SLC27A1: variants seen among roughly 807,000 people sequenced by gnomAD.
The protein encoded by SLC27A1 is solute carrier family 27 member 1, also known as long-chain fatty acid transport protein 1.
SLC27A1 carries 61 observed loss-of-function variants against 62.2 expected under a neutral mutation model. The ratio of observed to expected loss-of-function variants is 0.98; its 90% confidence interval spans 0.80 to 1.21. SLC27A1 has a LOEUF of 1.21. SLC27A1 is among the 50% of genes most tolerant of loss of function. SLC27A1 has a pLI of 0.00. For synonymous variants in SLC27A1, 435 were observed against 408.6 expected, an observed-to-expected ratio of 1.06 and a Z score of -0.78; for missense variants, 903 against 932.1, an observed-to-expected ratio of 0.97 and a Z score of 0.41.
intron 1 of SLC27A1, among the ~76,000 whole-genome samples, chr19:17,478,342 C>A (rs2075144084): frequency 6.6e-6 from 1 of 151,152 alleles, no homozygotes; most frequent in African/African-American, 2.4e-5. Flanking sequence ...TGGCAGGCAC[C>A]TGTGGTCCCA....
Position 17,486,580 on chromosome 19 carries a change from TC to T in SLC27A1, c.187del (p.Arg63AlafsTer23). The T allele has an allele frequency of 1.3e-6, 2 of 1,589,566 alleles. No homozygotes were observed. The highest frequency in any genetic ancestry group is 1.7e-5 in the Admixed American group (1 of 58,846). ...CCTCCCAGCGGTCTCTCTGTGCTGA[TC>T]CGCGTGCGCCTGGAGCTGCGGCGGC... The part of the protein sequence containing the change: ...RRDLFGLSVL[I>X]RVRLELRRHQ... On this transcript the variant is annotated frameshift_variant, in exon 2 of 12. Transcript: ENST00000252595. LOFTEE classifies it high-confidence loss of function. This position sits in a 1 kb window ranked among gnomAD's most constrained non-coding sequence, Gnocchi z 6.6.
chr19:17,487,838 C>G (rs533467848), intron 4 of SLC27A1, among the ~76,000 whole-genome samples: 2 of 152,036 alleles, frequency 1.3e-5, no homozygotes, highest in South Asian at 4.2e-4. Flanking sequence ...CACCTGTTCA[C>G]CACATCCATC....
chr19:17,470,752 G>A, intron 1 of SLC27A1, 45 bp downstream of exon 1: 1 of 1,513,890 alleles, frequency 6.6e-7, no homozygotes. Context: ...CGGGGCTGAG[G>A]GCTCTGGGGG....
chr19:17,500,023 A>G, intron 7 of SLC27A1: 1 of 535,692 alleles, frequency 1.9e-6, no homozygotes, highest in Non-Finnish European at 3.3e-6. Flanking sequence ...GCCAGCATGG[A>G]GGGTTTTGTG....
At chr19:17,500,048 T>C (rs3827011) in intron 7 of SLC27A1, 496,027 of 599,118 alleles carry the variant, frequency 0.83, 210,624 homozygotes, top group Non-Finnish European at 0.89. Flanking sequence ...AGGAAGTGGG[T>C]GCCAGCCAGA....
chr19:17,481,811 G>C (rs1253017708), intron 1 of SLC27A1, among the ~76,000 whole-genome samples: 1 of 152,142 alleles, frequency 6.6e-6, no homozygotes, highest in Non-Finnish European at 1.5e-5. Flanking sequence ...CTGCACGGCT[G>C]ATTGACATTT....
intron 1 of SLC27A1, chr19:17,484,243 G>A (rs901980834): frequency 3.3e-5 from 5 of 152,188 alleles, no homozygotes; most frequent in Admixed American, 3.3e-4. Context: ...ATAAATGCAT[G>A]AAAGAGGTAA....
intron 7 of SLC27A1, 145 bp downstream of exon 7, chr19:17,497,609 G>A: frequency 1.4e-6 from 1 of 719,040 alleles, no homozygotes; most frequent in Non-Finnish European, 2.4e-6. Flanking sequence ...GGTGTAAGGG[G>A]AGTTCCTGGG....
chr19:17,487,419 C>T, intron 3 of SLC27A1, 41 bp from the exon 4 acceptor site: 1 of 1,556,248 alleles, frequency 6.4e-7, no homozygotes, highest in South Asian at 1.2e-5. Context: ...CCCCACCCCC[C>T]AATGCTCAGG....
At position 17,486,945 on chromosome 19, in the gene SLC27A1, G is replaced by A; in HGVS notation, c.550G>A (p.Glu184Lys). The A allele has an allele frequency of 1.3e-6, 2 of 1,579,576 alleles. No individual in the cohort carries two copies. Among genetic ancestry groups the A allele is most frequent in the Non-Finnish European group, 1.7e-6 (2 of 1,170,110 alleles). ...SGAKALIFGG[E>K]MVAAVAEVSG... is the part of the protein sequence containing the mutation. ...CGCTAAGGCCCTGATCTTTGGAGGA[G>A]AAATGGTGGCGGGTGAGGCCAGGCG... is the stretch of plus-strand genomic sequence containing the variant. Residue 184 changes from glutamate to lysine, a missense_variant, in exon 2 of 12, where the codon GAA (glutamate) becomes AAA (lysine). Physicochemically the swap from Glu to Lys is moderately conservative, Grantham distance 56 (BLOSUM62 1). Coordinates refer to ENST00000252595, the MANE Select transcript of SLC27A1 (RefSeq NM_198580.3). The surrounding 1 kb of genome is among the most constrained non-coding windows in gnomAD (Gnocchi z 6.6).
In SLC27A1 at chr19:17,497,609, G is replaced by T. The variant is rs186067210; in HGVS notation, c.1206+145G>T. 834 of 719,034 alleles carry T rather than the reference G, an allele frequency of 1.2e-3. 6 individuals carry two copies. The highest frequency in any genetic ancestry group is 0.011 in the African/African-American group (635 of 56,334). 44.5% of individuals were successfully genotyped at this position (719,034 alleles called of 1,614,324 possible). On this transcript the variant is annotated intron_variant, in intron 7 of 11. Coordinates refer to ENST00000252595, the MANE Select transcript of SLC27A1 (RefSeq NM_198580.3). ...GCGCACGCAGGGCGGGGTGTAAGGG[G>T]AGTTCCTGGGACTCCCGGTGCACCA...
At position 17,500,278 on chromosome 19, in the gene SLC27A1, G is replaced by A; in HGVS notation, c.1207G>A (p.Val403Ile). Residue 403 changes from valine to isoleucine, a missense_variant and splice_region_variant, in exon 8 of 12, where the codon GTC becomes ATC. By Grantham distance (29) the Val-to-Ile change is conservative (BLOSUM62 3). Transcript: ENST00000252595. ...NCSIANMDGK[V>I]GSCGFNSRIL... ...TCCAACTCAGTTCACCCCATTCCAG[G>A]TCGGCTCCTGTGGTTTCAACAGCCG... The A allele has an allele frequency of 1.2e-6, 2 of 1,613,740 alleles. No homozygotes were observed. Among genetic ancestry groups the A allele is most frequent in the Admixed American group, 3.3e-5 (2 of 59,910 alleles).
upstream of SLC27A1, chr19:17,470,415 CG>C (rs1568406918): frequency 3.7e-5 from 43 of 1,157,564 alleles, no homozygotes; most frequent in Non-Finnish European, 4.6e-5. Flanking sequence ...CCCGGACTCG[CG>C]GGGGGCGCAG....
intron 6 of SLC27A1, 45 bp downstream of exon 6, chr19:17,489,162 A>G: frequency 6.6e-7 from 1 of 1,522,696 alleles, no homozygotes; most frequent in Non-Finnish European, 9.0e-7. Flanking sequence ...CCTCCCAGCC[A>G]GGCCTCACCC....
rs770347102 is a variant in SLC27A1, at chr19:17,486,756, C to T, written c.361C>T (p.Arg121Cys). 9 of 1,608,924 alleles carry T rather than the reference C, an allele frequency of 5.6e-6. No individual in the cohort carries two copies. The Middle Eastern group carries it at 1.5e-3, about 266-fold the overall frequency. Residue 121 changes from arginine (R) to cysteine (C), a missense_variant, in exon 2 of 12, where the codon CGC (arginine) becomes TGC (cysteine). Arg to Cys is a radical substitution (Grantham distance 180). Transcript: ENST00000252595. This position sits in a 1 kb window ranked among gnomAD's most constrained non-coding sequence, Gnocchi z 6.6. ...CTCCAATGCGGTAGCCAACCTCTTC[C>T]GCCAGCTGGGCTTCGCGCCGGGCGA... ...AYSNAVANLF[R>C]QLGFAPGDVV... is the part of the protein sequence containing the mutation.
chr19:17,487,139 G>A (rs376238321), intron 2 of SLC27A1, 35 bp from the exon 3 acceptor site: 24 of 1,613,184 alleles, frequency 1.5e-5, no homozygotes, highest in Non-Finnish European at 1.9e-5. Flanking sequence ...GGGCCTGTCC[G>A]GCGGTGACCA....
At chr19:17,482,964 A>G (rs1209070748) in intron 1 of SLC27A1, among the ~76,000 whole-genome samples, 1 of 152,186 alleles carries the variant, frequency 6.6e-6, no homozygotes, top group African/African-American at 2.4e-5. Context: ...CACAATGCCA[A>G]TGAATGATGG....
chr19:17,497,047 C>T (rs760371466), intron 6 of SLC27A1: 97 of 525,092 alleles, frequency 1.8e-4, no homozygotes, highest in Non-Finnish European at 2.8e-4. Flanking sequence ...AAAGCTGCAT[C>T]CTAGACCCTT....
intron 1 of SLC27A1, among the ~76,000 whole-genome samples, chr19:17,479,805 G>A (rs568706147): frequency 2.6e-5 from 4 of 152,020 alleles, no homozygotes; most frequent in East Asian, 3.9e-4. Flanking sequence ...CACCACGCAC[G>A]GCTAATTTTT....
Sources: allele counts gnomAD v4.1 joint callset (sites outside exome capture counted in the v4.1 genomes callset), GRCh38; gene constraint gnomAD v4.1.1; non-coding constraint Gnocchi (gnomAD v3.1); transcripts MANE v1.5; gene names NCBI Gene and HGNC (gene_info 2026-07-23, HGNC 2026-07-21).